The following FCAR variants were observed in gnomAD, a reference collection of about 807,000 sequenced individuals.
FCAR encodes Fc alpha receptor.
In FCAR, 21 loss-of-function variants were observed where a neutral mutation model predicts 27.1. That is an observed-to-expected ratio of 0.77 (90% CI 0.55 to 1.11). The LOEUF (loss-of-function observed/expected upper bound fraction) is 1.11, where lower values mean the gene tolerates loss of function less well. Ranked by LOEUF, FCAR falls within the 50% of genes most tolerant of loss-of-function variation. The pLI is 0.00. For synonymous variants in FCAR, 134 were observed against 135.8 expected (o/e 0.99, Z 0.09); for missense variants, 404 against 358.4 (o/e 1.13, Z -1.03).
rs2067058629 is a variant in FCAR, at chr19:54,891,247, A to G, written c.*1384A>G. On this transcript the variant is annotated 3_prime_UTR_variant, in exon 5 of 5. Transcript: ENST00000355524. ...CTGATTGCTATTTACTTCATTGTCC[A>G]GTAGCTTATGTATGAAAATATAATT... is the stretch of plus-strand genomic sequence containing the variant. 1 of 152,146 alleles carries G rather than the reference A, an allele frequency of 6.6e-6. No homozygotes were observed. 9.4% of individuals were successfully genotyped at this position (152,146 alleles called of 1,614,324 possible). A position where few individuals can be genotyped will look rare whatever the true frequency, so the allele number is the denominator to read the frequency against.
chr19:54,888,808 G>C (rs2066901950), intron 4 of FCAR: 2 of 993,730 alleles, frequency 2.0e-6, no homozygotes, highest in Non-Finnish European at 2.4e-6. Flanking sequence ...GCCTGGCCAG[G>C]CTGCACACAT....
chr19:54,877,568 T>C (rs923302249), intron 2 of FCAR, among the ~76,000 whole-genome samples: 2 of 152,194 alleles, frequency 1.3e-5, no homozygotes, highest in African/African-American at 4.8e-5. Context: ...ATCTTCTGAA[T>C]GCTTTTTCGT....
chr19:54,888,790 G>C, intron 4 of FCAR: 3 of 994,630 alleles, frequency 3.0e-6, no homozygotes, highest in Non-Finnish European at 3.6e-6. Flanking sequence ...ACAGGCGTGA[G>C]CCACCGCGCC....
intron 3 of FCAR, among the ~76,000 whole-genome samples, chr19:54,887,001 G>A (rs907257521): frequency 4.7e-5 from 7 of 149,604 alleles, no homozygotes; most frequent in South Asian, 2.2e-4. Flanking sequence ...GCCAGACACC[G>A]TGGCTCGTGC....
At chr19:54,882,141 G>T (rs1034361048) in intron 2 of FCAR, among the ~76,000 whole-genome samples, 1 of 152,162 alleles carries the variant, frequency 6.6e-6, no homozygotes, top group Non-Finnish European at 1.5e-5. Context: ...TGGTAAAGTG[G>T]GGGTGGGAGC....
chr19:54,888,646 C>G, intron 4 of FCAR: 1 of 627,110 alleles, frequency 1.6e-6, no homozygotes, highest in Non-Finnish European at 2.1e-6. Flanking sequence ...CTCCCAGGTT[C>G]AAGCAATTCT....
At chr19:54,878,176 C>T (rs1056970031) in intron 2 of FCAR, among the ~76,000 whole-genome samples, 1 of 152,184 alleles carries the variant, frequency 6.6e-6, no homozygotes, top group Non-Finnish European at 1.5e-5. Flanking sequence ...CTTGGCTTCC[C>T]AAAGTGCTGG....
At chr19:54,887,981 T>C in intron 3 of FCAR, 26 bp from the exon 4 acceptor site, 1 of 1,564,840 alleles carries the variant, frequency 6.4e-7, no homozygotes. Context: ...AAGGTCTTTC[T>C]AATAGCTCAC....
intron 3 of FCAR, among the ~76,000 whole-genome samples, chr19:54,887,594 C>T (rs943534577): frequency 7.6e-5 from 11 of 143,964 alleles, no homozygotes; most frequent in South Asian, 2.2e-4. Context: ...GCACTGCAGC[C>T]TCAGTGACAG....
intron 2 of FCAR, among the ~76,000 whole-genome samples, chr19:54,879,238 C>T (rs901114999): frequency 1.3e-5 from 2 of 152,192 alleles, no homozygotes; most frequent in Non-Finnish European, 2.9e-5. Context: ...AGTCCATTTA[C>T]ATTCAAAGTT....
chr19:54,879,170 C>T (rs1244978579), intron 2 of FCAR, among the ~76,000 whole-genome samples: 1 of 152,142 alleles, frequency 6.6e-6, no homozygotes, highest in Admixed American at 6.6e-5. Context: ...AGCCACTGCA[C>T]CTGGCCTCTT....
chr19:54,878,668 A>ATGAT (rs1222493022), intron 2 of FCAR, among the ~76,000 whole-genome samples: 1 of 150,316 alleles, frequency 6.7e-6, no homozygotes, highest in Admixed American at 6.6e-5. Flanking sequence ...ACCCTTTACC[A>ATGAT]TGATTTAATG....
At chr19:54,885,015 C>G (rs1222291420) in intron 2 of FCAR, among the ~76,000 whole-genome samples, 2 of 152,002 alleles carry the variant, frequency 1.3e-5, no homozygotes, top group African/African-American at 4.8e-5. Context: ...ACCGTGTTAG[C>G]CAGGATGGTC....
chr19:54,875,713 C>G (rs766062961), intron 2 of FCAR, among the ~76,000 whole-genome samples: 3 of 152,174 alleles, frequency 2.0e-5, no homozygotes, highest in Non-Finnish European at 4.4e-5. Flanking sequence ...CCACTTCCTC[C>G]CGTCACTTCA....
chr19:54,886,659 G>T (rs957477867), intron 3 of FCAR, among the ~76,000 whole-genome samples: 1 of 152,032 alleles, frequency 6.6e-6, no homozygotes, highest in Admixed American at 6.5e-5. Flanking sequence ...CTCCCAAAGT[G>T]CTGGGATTCC....
At chr19:54,889,334 T>G (rs1204831197) in intron 4 of FCAR, among the ~76,000 whole-genome samples, 2 of 135,914 alleles carry the variant, frequency 1.5e-5, no homozygotes, top group Non-Finnish European at 3.0e-5. Context: ...ATCACGCCAC[T>G]GCACTCCAGC....
intron 4 of FCAR, chr19:54,888,668 C>A: frequency 1.7e-6 from 1 of 588,208 alleles, no homozygotes; most frequent in Non-Finnish European, 2.2e-6. Context: ...CTGCCTCAGC[C>A]TCCTGAGTAG....
Position 54,889,683 on chromosome 19 carries a change from G to C in FCAR, c.684G>C (p.Leu228Phe). The change falls in exon 5 of 5, where the codon TTG becomes TTC. Residue 228 changes from leucine (L) to phenylalanine (F), a missense_variant. By Grantham distance (22) the Leu-to-Phe change is conservative (BLOSUM62 0). Transcript: ENST00000355524. ...SIHQDYTTQN[L>F]IRMAVAGLVL... is the part of the protein sequence containing the mutation. ...ACCAAGATTACACGACGCAGAACTT[G>C]ATCCGCATGGCCGTGGCAGGACTGG... 1 of 1,614,172 alleles carries C rather than the reference G, an allele frequency of 6.2e-7. No individual in the cohort carries two copies. Among genetic ancestry groups the C allele is most frequent in the African/African-American group, 1.3e-5 (1 of 75,062 alleles).
In FCAR at chr19:54,883,849, C is replaced by G. The variant is rs1036808803; in HGVS notation, c.71-1386C>G. Among the ~76,000 whole-genome samples, 3 of 151,968 alleles carry G rather than the reference C, an allele frequency of 2.0e-5. No individual in the cohort carries two copies. The South Asian group carries it at 6.2e-4, about 32-fold the overall frequency. ...GCGGGCGCCTGTAGTCCCAGCTACTCGGGAGGCTGAGGCAGAAGAATGGTG... is the reference window on the plus strand; with the variant it reads ...GCGGGCGCCTGTAGTCCCAGCTACTGGGGAGGCTGAGGCAGAAGAATGGTG... On this transcript the variant is annotated intron_variant, in intron 2 of 4. Coordinates refer to ENST00000355524, the MANE Select transcript of FCAR (RefSeq NM_002000.4).
Sources: allele counts gnomAD v4.1 joint callset (sites outside exome capture counted in the v4.1 genomes callset), GRCh38; gene constraint gnomAD v4.1.1; transcripts MANE v1.5; gene names NCBI Gene and HGNC (gene_info 2026-07-23, HGNC 2026-07-21).